ANKS1B: variants seen among roughly 807,000 people sequenced by gnomAD.
ANKS1B encodes ankyrin repeat and sterile alpha motif domain-containing protein 1B.
Under a neutral mutation model 148.3 loss-of-function variants are expected in ANKS1B, and 36 were observed. The observed-to-expected ratio is 0.24, with a 90% CI of 0.19 to 0.32. The LOEUF (loss-of-function observed/expected upper bound fraction) is 0.32. ANKS1B is among the 10% of genes least tolerant of loss of function. ANKS1B has a pLI of 1.00. For missense variants in ANKS1B, 1,157 were observed against 1,542.6 expected, an observed-to-expected ratio of 0.75 and a Z score of 4.19; for synonymous variants, 542 against 560.8, an observed-to-expected ratio of 0.97 and a Z score of 0.47.
chr12:98,973,144 T>G (rs745611099), intron 17 of ANKS1B, among the ~76,000 whole-genome samples: 5 of 152,120 alleles, frequency 3.3e-5, no homozygotes, highest in Non-Finnish European at 7.3e-5. Flanking sequence ...CAAATACTTT[T>G]TCTCTAAATC....
rs993648279 is a variant in ANKS1B at position 99,019,366 on chromosome 12, A to G, written c.2778+33791T>C. Among the ~76,000 whole-genome samples the G allele has an allele frequency of 3.9e-5, 6 of 152,192 alleles. No homozygotes were observed. In the East Asian group the frequency reaches 9.6e-4, roughly 24 times the overall value. ...CTAAGTAAGTCAATTAAAACTGTGT[A>G]AGAATTTGAAAAGAGGATACAGGGC... On this transcript the variant is annotated intron_variant, in intron 17 of 26. Coordinates refer to ENST00000683438, the MANE Select transcript of ANKS1B (RefSeq NM_001352186.2).
intron 1 of ANKS1B, among the ~76,000 whole-genome samples, chr12:99,978,288 T>C (rs544522326): frequency 2.0e-5 from 3 of 152,350 alleles, no homozygotes; most frequent in Non-Finnish European, 2.9e-5. Context: ...GGTTGAGTAG[T>C]AGTCACTGGC....
chr12:98,954,912 T>TTCCC (rs1003944805), intron 17 of ANKS1B, among the ~76,000 whole-genome samples: 3 of 151,900 alleles, frequency 2.0e-5, no homozygotes, highest in African/African-American at 7.2e-5. Flanking sequence ...CTTCAGTTCC[T>TTCCC]TCCCTCCCTC....
At chr12:99,468,227 G>A (rs2096168204) in intron 10 of ANKS1B, among the ~76,000 whole-genome samples, 1 of 152,136 alleles carries the variant, frequency 6.6e-6, no homozygotes. Flanking sequence ...GGGAAAACTG[G>A]CTAGCCATAT....
intron 20 of ANKS1B, among the ~76,000 whole-genome samples, chr12:98,803,452 T>C (rs1354795531): frequency 6.6e-6 from 1 of 152,194 alleles, no homozygotes; most frequent in African/African-American, 2.4e-5. Context: ...CAGGTAACAC[T>C]GTTAACAAAA....
At chr12:99,198,896 A>T (rs1275356744) in intron 14 of ANKS1B, among the ~76,000 whole-genome samples, 1 of 152,210 alleles carries the variant, frequency 6.6e-6, no homozygotes, top group African/African-American at 2.4e-5. Flanking sequence ...ATTTCTGAAG[A>T]TAGATCTTAA....
intron 9 of ANKS1B, among the ~76,000 whole-genome samples, chr12:99,557,302 T>C (rs1298468997): frequency 2.6e-5 from 4 of 152,358 alleles, no homozygotes; most frequent in East Asian, 1.9e-4. Flanking sequence ...CTTTCAGAGA[T>C]GCCAATGGGT....
intron 14 of ANKS1B, among the ~76,000 whole-genome samples, chr12:99,171,894 C>T (rs1330942499): frequency 3.9e-5 from 6 of 152,068 alleles, no homozygotes; most frequent in Non-Finnish European, 8.8e-5. Context: ...GGAAAGGGAA[C>T]ATGTCCCAGC....
At chr12:99,166,510 C>T (rs1042783459) in intron 14 of ANKS1B, among the ~76,000 whole-genome samples, 1 of 151,756 alleles carries the variant, frequency 6.6e-6, no homozygotes, top group Non-Finnish European at 1.5e-5. Context: ...AAATAAAAAC[C>T]AACATAATTT....
rs962758637 is a variant in ANKS1B at position 98,802,063 on chromosome 12, T to G, written c.3142-938A>C. ...TCTTTCTCCTGGGAAAGATTTGGAT[T>G]TTTCCAAAACTCAGTTCTTTGTTCT... On this transcript the variant is annotated intron_variant, in intron 20 of 26. Transcript: ENST00000683438. Among the ~76,000 whole-genome samples, 5 of 152,296 alleles carry G rather than the reference T, an allele frequency of 3.3e-5. 1 individual carries two copies. Among genetic ancestry groups the G allele is most frequent in the Admixed American group, 6.5e-5 (1 of 15,304 alleles).
At chr12:99,482,932 T>C (rs1339151821) in intron 10 of ANKS1B, among the ~76,000 whole-genome samples, 1 of 151,982 alleles carries the variant, frequency 6.6e-6, no homozygotes, top group Non-Finnish European at 1.5e-5. Flanking sequence ...ATATTCTAAA[T>C]ATAAAATATC....
At chr12:98,802,592 G>A (rs139882486) in intron 20 of ANKS1B, among the ~76,000 whole-genome samples, 2,620 of 102,244 alleles carry the variant, frequency 0.026, 79 homozygotes, top group African/African-American at 0.084. Context: ...GTAATGCACA[G>A]GCTTTTTTTT....
At chr12:99,178,759 T>C (rs2078724033) in intron 14 of ANKS1B, among the ~76,000 whole-genome samples, 1 of 152,176 alleles carries the variant, frequency 6.6e-6, no homozygotes, top group African/African-American at 2.4e-5. Context: ...CTTAAGACCA[T>C]TCATGTAATA....
At position 98,944,533 on chromosome 12, in the gene ANKS1B, A is replaced by G. The variant is rs117139042; in HGVS notation, c.2778+108624T>C. Among the ~76,000 whole-genome samples, 389 of 152,292 alleles carry G rather than the reference A, an allele frequency of 2.6e-3. 5 individuals are homozygous for G. The East Asian group carries it at 0.048, about 19-fold the overall frequency. ...AATGCAAATGGAAGAACACAGGGGC[A>G]ATTGCTCTGCCTACCAAAATAAATG... On this transcript the variant is annotated intron_variant, in intron 17 of 26. Transcript: ENST00000683438.
exon 10 of ANKS1B, chr12:98,735,548 A>C: frequency 1.3e-6 from 1 of 763,220 alleles, no homozygotes; most frequent in Non-Finnish European, 2.5e-6. Flanking sequence ...GCTATATGTA[A>C]ATTCAATTCT....
intron 17 of ANKS1B, among the ~76,000 whole-genome samples, chr12:99,037,687 G>C (rs765430977): frequency 5.9e-5 from 9 of 152,148 alleles, no homozygotes; most frequent in Non-Finnish European, 1.3e-4. Context: ...GTCTGATTTT[G>C]AACATCAGGA....
chr12:99,675,411 T>C (rs2098557957), intron 8 of ANKS1B, among the ~76,000 whole-genome samples: 1 of 152,004 alleles, frequency 6.6e-6, no homozygotes, highest in Admixed American at 6.6e-5. Context: ...TTTAGTAATA[T>C]GAAAAATTGT....
At chr12:99,712,978 G>A (rs559192949) in intron 8 of ANKS1B, among the ~76,000 whole-genome samples, 1 of 152,232 alleles carries the variant, frequency 6.6e-6, no homozygotes, top group East Asian at 1.9e-4. Context: ...GAGAATTTTG[G>A]AAGTCAAACA....
intron 25 of ANKS1B, among the ~76,000 whole-genome samples, chr12:98,762,629 C>T (rs2098424791): frequency 6.6e-6 from 1 of 152,246 alleles, no homozygotes; most frequent in African/African-American, 2.4e-5. Context: ...TGAGTTACTG[C>T]TTATCCTTGA....
Sources: allele counts gnomAD v4.1 joint callset (sites outside exome capture counted in the v4.1 genomes callset), GRCh38; gene constraint gnomAD v4.1.1; transcripts MANE v1.5; gene names NCBI Gene and HGNC (gene_info 2026-07-23, HGNC 2026-07-21).